ZC3H18: variants seen among roughly 807,000 people sequenced by gnomAD.
ZC3H18 encodes zinc finger CCCH-type containing 18.
A neutral mutation model predicts 106.1 loss-of-function variants in ZC3H18; 8 were observed. The ratio of observed to expected loss-of-function variants is 0.08; its 90% CI spans 0.04 to 0.14. The LOEUF (loss-of-function observed/expected upper bound fraction) is 0.14. Among genes scored for constraint, ZC3H18 ranks in the 10% least tolerant of loss-of-function variants. ZC3H18 has a pLI of 1.00. For synonymous variants in ZC3H18, 635 were observed against 522.1 expected, an observed-to-expected ratio of 1.22 and a Z score of -2.95; for missense variants, 1,318 against 1,278.4, an observed-to-expected ratio of 1.03 and a Z score of -0.47.
chr16:88,583,299 G>C (rs2142566237), intron 2 of ZC3H18, among the ~76,000 whole-genome samples: 1 of 152,376 alleles, frequency 6.6e-6, no homozygotes, highest in South Asian at 2.1e-4. Flanking sequence ...TCATTGCTCT[G>C]AGTTAGTCCT....
chr16:88,591,814 A>C (rs1186263908), intron 3 of ZC3H18, among the ~76,000 whole-genome samples: 2 of 152,190 alleles, frequency 1.3e-5, no homozygotes, highest in Non-Finnish European at 2.9e-5. Context: ...AACTGCTGGC[A>C]GCGGAGTTTC....
At chr16:88,625,121 C>T in intron 12 of ZC3H18, 81 bp from the exon 13 acceptor site, 1 of 1,503,762 alleles carries the variant, frequency 6.6e-7, no homozygotes, top group Non-Finnish European at 9.0e-7. Context: ...GCTCACCTCA[C>T]AGGGCTGCTG....
intron 3 of ZC3H18, among the ~76,000 whole-genome samples, chr16:88,592,117 G>A (rs1382000701): frequency 6.6e-6 from 1 of 152,214 alleles, no homozygotes; most frequent in Admixed American, 6.5e-5. Context: ...CACAGTGGCT[G>A]TGCCATTTTA....
intron 2 of ZC3H18, among the ~76,000 whole-genome samples, chr16:88,580,078 T>C (rs1476404654): frequency 6.6e-6 from 1 of 151,972 alleles, no homozygotes; most frequent in Non-Finnish European, 1.5e-5. Flanking sequence ...GGCTCCTCCA[T>C]CCTTTATGTG....
chr16:88,573,083 G>A (rs1481480608), intron 1 of ZC3H18, among the ~76,000 whole-genome samples: 1 of 152,040 alleles, frequency 6.6e-6, no homozygotes, highest in African/African-American at 2.4e-5. Context: ...AAACTAGTTT[G>A]AGGAGACATT....
At chr16:88,626,909 C>T (rs1375695357) in intron 13 of ZC3H18, among the ~76,000 whole-genome samples, 1 of 152,150 alleles carries the variant, frequency 6.6e-6, no homozygotes, top group African/African-American at 2.4e-5. Context: ...CTCAGGCATT[C>T]CCTGAGACTG....
chr16:88,575,104 C>T (rs1397331130), intron 1 of ZC3H18, among the ~76,000 whole-genome samples: 1 of 151,836 alleles, frequency 6.6e-6, no homozygotes, highest in African/African-American at 2.4e-5. Context: ...GCTGGGATTA[C>T]AGGCGTGAGC....
chr16:88,588,249 T>A (rs1382897609), intron 3 of ZC3H18, among the ~76,000 whole-genome samples: 1 of 152,228 alleles, frequency 6.6e-6, no homozygotes, highest in Non-Finnish European at 1.5e-5. Context: ...TCTGTACACA[T>A]GTACGTGTAC....
At chr16:88,573,229 G>A (rs552550508) in intron 1 of ZC3H18, among the ~76,000 whole-genome samples, 1 of 152,074 alleles carries the variant, frequency 6.6e-6, no homozygotes, top group African/African-American at 2.4e-5. Context: ...TGGGCACCAG[G>A]CGCTCCGCTT....
intron 3 of ZC3H18, among the ~76,000 whole-genome samples, chr16:88,587,362 T>C (rs1381464878): frequency 6.6e-6 from 1 of 152,230 alleles, no homozygotes; most frequent in African/African-American, 2.4e-5. Context: ...CTTGTAAGGG[T>C]ATCTTTGATG....
Position 88,627,548 on chromosome 16 carries a change from G to A in ZC3H18, c.2109-74G>A. The A allele has an allele frequency of 2.6e-6, 4 of 1,527,680 alleles. No homozygotes were observed. The highest frequency in any genetic ancestry group is 3.5e-6 in the Non-Finnish European group (4 of 1,132,578). 94.6% of individuals were successfully genotyped at this position (1,527,680 alleles called of 1,614,324 possible). Reference sequence around the variant, plus strand: ...CATAAATGGACACTGCGTAAAAGTGGACCATGGAGCACCCCCTGCTGGCCC... The same window carrying A: ...CATAAATGGACACTGCGTAAAAGTGAACCATGGAGCACCCCCTGCTGGCCC... On this transcript the variant is annotated intron_variant, in intron 13 of 17. Transcript: ENST00000301011. The surrounding 1 kb of genome is among the most constrained non-coding windows in gnomAD (Gnocchi z 4.5).
intron 6 of ZC3H18, among the ~76,000 whole-genome samples, chr16:88,607,845 C>G (rs1905086019): frequency 6.6e-6 from 1 of 152,058 alleles, no homozygotes; most frequent in South Asian, 2.1e-4. Context: ...CTTCATGTCT[C>G]TCAGGCGTCT....
intron 1 of ZC3H18, among the ~76,000 whole-genome samples, chr16:88,573,292 AC>A (rs1373532868): frequency 1.3e-5 from 2 of 152,004 alleles, no homozygotes; most frequent in African/African-American, 4.8e-5. Context: ...AGATGTTTAT[AC>A]ATTGTAATAA....
chr16:88,623,131 G>A (rs1906073512), intron 9 of ZC3H18, 88 bp from the exon 10 acceptor site: 1 of 1,529,842 alleles, frequency 6.5e-7, no homozygotes, highest in Non-Finnish European at 8.8e-7. Context: ...GCGTCTGTGG[G>A]TGTGTAGCTG....
intron 16 of ZC3H18, among the ~76,000 whole-genome samples, chr16:88,629,834 C>T (rs1906547485): frequency 6.6e-6 from 1 of 152,250 alleles, no homozygotes; most frequent in Non-Finnish European, 1.5e-5. Context: ...CCCGCACAGA[C>T]ACTCCCAGAC....
chr16:88,581,103 G>A lies in ZC3H18; in HGVS notation c.603+3377G>A, dbSNP rs535695567. On this transcript the variant is annotated intron_variant, in intron 2 of 17. Coordinates refer to ENST00000301011, the MANE Select transcript of ZC3H18 (RefSeq NM_144604.4). The stretch of plus-strand genomic sequence containing the variant: ...ATACCTGGAAGGATTGAATGGCAAA[G>A]TCTAGAGAGCCGTTTGATTTGGCAT... 2.6e-5 allele frequency among the ~76,000 whole-genome samples: 4 copies of A among 152,360 alleles called. No homozygotes were observed. In the East Asian group the frequency reaches 7.7e-4, roughly 29 times the overall value.
At chr16:88,608,253 G>A (rs1905104938) in intron 6 of ZC3H18, among the ~76,000 whole-genome samples, 4 of 152,178 alleles carry the variant, frequency 2.6e-5, no homozygotes, top group African/African-American at 9.7e-5. Context: ...AGACTCCTGG[G>A]GGAGCTCCTC....
chr16:88,630,744 G>GCCCTC (rs1257539077), intron 17 of ZC3H18, among the ~76,000 whole-genome samples, 163 bp downstream of exon 17: 1 of 76,464 alleles, frequency 1.3e-5, no homozygotes, highest in African/African-American at 5.0e-5. Flanking sequence ...GCGAATTGCA[G>GCCCTC]CCCCACCCCC....
intron 6 of ZC3H18, among the ~76,000 whole-genome samples, chr16:88,601,991 G>T (rs754456917): frequency 6.6e-6 from 1 of 152,214 alleles, no homozygotes; most frequent in African/African-American, 2.4e-5. Context: ...CCACCAGGTA[G>T]GTTGCTACAG....
Sources: gnomAD v4.1 joint callset for allele counts (sites outside exome capture counted in the v4.1 genomes callset) on GRCh38, gnomAD v4.1.1 for gene constraint, Gnocchi (gnomAD v3.1) non-coding constraint, MANE v1.5 for transcripts, NCBI Gene and HGNC (gene_info 2026-07-23, HGNC 2026-07-21) for gene names.